The following ZFAND3 variants were observed in gnomAD, a reference collection of about 807,000 sequenced individuals.
ZFAND3 encodes AN1-type zinc finger protein 3.
A neutral mutation model predicts 29.6 loss-of-function variants in ZFAND3; 10 were observed. That is an observed-to-expected ratio of 0.34 (90% confidence interval 0.21 to 0.57). The LOEUF is 0.57. ZFAND3 is among the 20% of genes least tolerant of loss of function. The probability of loss-of-function intolerance (pLI) is 0.86; values close to 1 mark genes in which losing one functional copy is unlikely to be tolerated. For synonymous variants in ZFAND3, 128 were observed against 112.6 expected, an observed-to-expected ratio of 1.14 and a Z score of -0.87; for missense variants, 230 against 304.5, an observed-to-expected ratio of 0.76 and a Z score of 1.82.
chr6:37,998,460 T>G (rs955008467), intron 2 of ZFAND3, among the ~76,000 whole-genome samples: 6 of 149,238 alleles, frequency 4.0e-5, no homozygotes, highest in Non-Finnish European at 7.4e-5. Context: ...AGAAAATGTT[T>G]AGGAGATCCC....
intron 3 of ZFAND3, among the ~76,000 whole-genome samples, chr6:38,081,558 C>T (rs1023469871): frequency 2.6e-5 from 4 of 152,084 alleles, no homozygotes; most frequent in African/African-American, 9.7e-5. Context: ...CCTGGGGACC[C>T]TTTTTAAAAT....
intron 2 of ZFAND3, among the ~76,000 whole-genome samples, chr6:37,982,046 AT>A (rs1211759605): frequency 1.3e-5 from 2 of 152,162 alleles, no homozygotes; most frequent in Non-Finnish European, 2.9e-5. Context: ...AAGGATAGTC[AT>A]TTATGCCTTA....
intron 1 of ZFAND3, among the ~76,000 whole-genome samples, chr6:37,886,280 A>AAAAAAAAAC (rs1561922411): frequency 1.6e-4 from 21 of 128,928 alleles, no homozygotes; most frequent in African/African-American, 6.1e-4. Flanking sequence ...AAAAAAAAAA[A>AAAAAAAAAC]AGTTCAAAGA....
At chr6:37,937,653 C>A (rs1452249268) in intron 2 of ZFAND3, among the ~76,000 whole-genome samples, 595 of 85,390 alleles carry the variant, frequency 7.0e-3, no homozygotes, top group African/African-American at 0.011. Flanking sequence ...GACTCCGTCT[C>A]AAAAAAAAAA....
At chr6:37,847,358 G>A (rs1022053837) in intron 1 of ZFAND3, among the ~76,000 whole-genome samples, 7 of 151,902 alleles carry the variant, frequency 4.6e-5, no homozygotes, top group Admixed American at 1.3e-4. Context: ...GGCGGATCAC[G>A]AGGTCAGGAG....
intron 1 of ZFAND3, among the ~76,000 whole-genome samples, chr6:37,896,923 G>A (rs1765231344): frequency 6.6e-6 from 1 of 151,724 alleles, no homozygotes; most frequent in African/African-American, 2.4e-5. Flanking sequence ...TGTAGGATTG[G>A]TTAGATTTTG....
In ZFAND3 at chr6:37,951,591, T is replaced by TA. The variant is rs577084292; in HGVS notation, c.112+21600dup. On this transcript the variant is annotated intron_variant, in intron 2 of 5. Transcript: ENST00000287218. ...GCCTGGGCGACAGGGAGACTCTGTCTAAAAAAAATAAAAATAAAGATTAAA... is the reference window on the plus strand; with the variant it reads ...GCCTGGGCGACAGGGAGACTCTGTCTAAAAAAAAATAAAAATAAAGATTAAA... Among the ~76,000 whole-genome samples, 426 of 151,944 alleles carry TA rather than the reference T, an allele frequency of 2.8e-3. 2 individuals are homozygous for TA. The highest frequency in any genetic ancestry group is 9.7e-3 in the African/African-American group (403 of 41,452).
chr6:37,831,448 A>G (rs1763859451), intron 1 of ZFAND3, among the ~76,000 whole-genome samples: 1 of 152,188 alleles, frequency 6.6e-6, no homozygotes, highest in Non-Finnish European at 1.5e-5. Flanking sequence ...GTCTTGAGCT[A>G]TGCTAGGCAA....
rs144446592 is a variant in ZFAND3, at chr6:37,886,088, A to G, written c.72-43871A>G. Among the ~76,000 whole-genome samples, 604 of 151,690 alleles carry G rather than the reference A, an allele frequency of 4.0e-3. 3 individuals are homozygous for G. Among genetic ancestry groups the G allele is most frequent in the African/African-American group, 0.014 (582 of 41,392 alleles). On this transcript the variant is annotated intron_variant, in intron 1 of 5. Transcript: ENST00000287218. ...CCCCATCTCTATTAAAAATACAAAA[A>G]CCAGCCGGGCGTGGAGGCAGGTGCC...
At chr6:37,827,366 C>T (rs963083591) in intron 1 of ZFAND3, among the ~76,000 whole-genome samples, 2 of 152,138 alleles carry the variant, frequency 1.3e-5, no homozygotes, top group African/African-American at 2.4e-5. Flanking sequence ...CAATCAGTTT[C>T]TTTTTGGTTC....
At position 38,129,745 on chromosome 6, in the gene ZFAND3, G is replaced by A. The variant is rs543691992; in HGVS notation, c.529+13006G>A. On this transcript the variant is annotated intron_variant, in intron 5 of 5. Transcript: ENST00000287218. ...GGCCTTATAGTTTAGTTTGAAGTCA[G>A]ATAATGTGATGCCTCCAGATTTGTT... 2.6e-4 allele frequency among the ~76,000 whole-genome samples: 39 copies of A among 151,442 alleles called. No homozygotes were observed. The South Asian group carries it at 4.8e-3, about 19-fold the overall frequency.
intron 2 of ZFAND3, among the ~76,000 whole-genome samples, chr6:38,041,468 C>A (rs918248449): frequency 6.6e-6 from 1 of 151,620 alleles, no homozygotes; most frequent in African/African-American, 2.4e-5. Context: ...TAAATTATAT[C>A]ATTATAAACC....
intron 2 of ZFAND3, among the ~76,000 whole-genome samples, chr6:38,008,187 T>C (rs888362722): frequency 2.6e-5 from 4 of 152,136 alleles, no homozygotes; most frequent in Admixed American, 2.6e-4. Context: ...ATTATTAGAA[T>C]AAATAGGTTG....
intron 2 of ZFAND3, among the ~76,000 whole-genome samples, chr6:37,964,875 C>A (rs1048692764): frequency 5.3e-5 from 8 of 152,148 alleles, no homozygotes; most frequent in Admixed American, 6.5e-5. Context: ...GTTTTCTCAT[C>A]TGGGGAATGA....
At chr6:37,985,628 C>T (rs972975661) in intron 2 of ZFAND3, among the ~76,000 whole-genome samples, 6 of 151,966 alleles carry the variant, frequency 3.9e-5, no homozygotes, top group African/African-American at 1.5e-4. Context: ...TGCGGTGAAC[C>T]AAGATTGTGT....
intron 1 of ZFAND3, among the ~76,000 whole-genome samples, chr6:37,893,703 G>A (rs530734171): frequency 4.1e-4 from 62 of 152,170 alleles, no homozygotes; most frequent in East Asian, 1.9e-3. Flanking sequence ...ACAGGCGCAT[G>A]CCACAATGCC....
chr6:38,030,105 C>T (rs1400909536), intron 2 of ZFAND3, among the ~76,000 whole-genome samples: 2 of 102,156 alleles, frequency 2.0e-5, no homozygotes, highest in African/African-American at 7.7e-5. Context: ...TATATATAGC[C>T]TGAGAAGGTC....
At chr6:37,839,242 G>A (rs941082958) in intron 1 of ZFAND3, among the ~76,000 whole-genome samples, 17 of 151,446 alleles carry the variant, frequency 1.1e-4, no homozygotes, top group African/African-American at 3.2e-4. Context: ...GTGCAGTGGC[G>A]CGATCTCAGC....
intron 3 of ZFAND3, among the ~76,000 whole-genome samples, chr6:38,081,725 C>T (rs1317456023): frequency 6.6e-6 from 1 of 151,924 alleles, no homozygotes; most frequent in Non-Finnish European, 1.5e-5. Flanking sequence ...ATTTTCAAGC[C>T]TTCACTCACC....
Sources: gnomAD v4.1 joint callset for allele counts (sites outside exome capture counted in the v4.1 genomes callset) on GRCh38, gnomAD v4.1.1 for gene constraint, MANE v1.5 for transcripts, NCBI Gene and HGNC (gene_info 2026-07-23, HGNC 2026-07-21) for gene names.